MDGA2: variants seen among roughly 807,000 people sequenced by gnomAD.
MDGA2 encodes MAM domain-containing glycosylphosphatidylinositol anchor protein 2.
A neutral mutation model predicts 117.8 loss-of-function variants in MDGA2; 40 were observed. The ratio of observed to expected loss-of-function variants is 0.34; its 90% confidence interval spans 0.26 to 0.44. The LOEUF (loss-of-function observed/expected upper bound fraction) is 0.44. MDGA2 is among the 20% of genes least tolerant of loss of function. MDGA2 has a pLI of 1.00. For missense variants in MDGA2, 1,123 were observed against 1,250.6 expected (o/e 0.90, Z 1.54); for synonymous variants, 452 against 439.0 (o/e 1.03, Z -0.37).
intron 8 of MDGA2, among the ~76,000 whole-genome samples, chr14:46,981,081 T>C (rs556763807): frequency 1.3e-5 from 2 of 152,212 alleles, no homozygotes; most frequent in African/African-American, 4.8e-5. Flanking sequence ...AAATATCTAT[T>C]GAGATTGAAG....
chr14:47,192,808 T>C (rs1388047210), intron 3 of MDGA2, among the ~76,000 whole-genome samples: 1 of 152,186 alleles, frequency 6.6e-6, no homozygotes, highest in Non-Finnish European at 1.5e-5. Flanking sequence ...ATGTGTTAGC[T>C]AAATAGGCCA....
intron 8 of MDGA2, among the ~76,000 whole-genome samples, chr14:46,997,688 T>C (rs577497475): frequency 7.8e-4 from 118 of 152,244 alleles, no homozygotes; most frequent in African/African-American, 2.8e-3. Context: ...AATGCATTTA[T>C]AGGAACATAA....
At position 46,882,209 on chromosome 14, in the gene MDGA2, G is replaced by A. The variant is rs200011964; in HGVS notation, c.2251C>T (p.Arg751Cys). The A allele has an allele frequency of 1.9e-6, 3 of 1,607,662 alleles. No homozygotes were observed. Among genetic ancestry groups the A allele is most frequent in the South Asian group, 1.1e-5 (1 of 90,004 alleles). ...ATTTTAATCTCCTGCTCCCACCAGC[G>A]CTGCTGTCCAGCCTGAAATCAAAAC... ...RLGIRQAGQQ[R>C]WWEQEIKING... The change falls in exon 11 of 17, where the codon CGC becomes TGC. Residue 751 changes from arginine to cysteine, a missense_variant. Around this residue, in one of 2 missense-constraint regions of MDGA2, gnomAD observed 890 missense variants for 1,050.3 expected, o/e 0.85. Coordinates refer to ENST00000399232, the MANE Select transcript of MDGA2 (RefSeq NM_001113498.3).
chr14:47,053,456 T>C (rs1889527993), intron 7 of MDGA2, among the ~76,000 whole-genome samples: 1 of 151,606 alleles, frequency 6.6e-6, no homozygotes, highest in African/African-American at 2.4e-5. Context: ...CATACATCCT[T>C]TATGTGACAT....
At chr14:47,201,072 A>G (rs1197976772) in intron 3 of MDGA2, 4 of 1,089,520 alleles carry the variant, frequency 3.7e-6, no homozygotes, top group Non-Finnish European at 5.7e-6. Flanking sequence ...GATGGCCTCG[A>G]CCATCAAGCA....
intron 5 of MDGA2, among the ~76,000 whole-genome samples, chr14:47,101,134 T>TAGAAAGAA (rs1555352798): frequency 7.4e-6 from 1 of 134,824 alleles, no homozygotes; most frequent in East Asian, 2.1e-4. Flanking sequence ...GACAGATAGA[T>TAGAAAGAA]AGAAAGAAAT....
intron 3 of MDGA2, among the ~76,000 whole-genome samples, chr14:47,196,205 T>C (rs1292250910): frequency 6.6e-6 from 1 of 152,114 alleles, no homozygotes; most frequent in Non-Finnish European, 1.5e-5. Flanking sequence ...AATTTTCCCT[T>C]GAGTGGTAAA....
intron 1 of MDGA2, among the ~76,000 whole-genome samples, chr14:47,550,851 A>G (rs920527281): frequency 3.9e-5 from 6 of 152,196 alleles, no homozygotes; most frequent in Non-Finnish European, 2.9e-5. Context: ...ATAACCGGGT[A>G]ACACACAGGA....
intron 6 of MDGA2, among the ~76,000 whole-genome samples, chr14:47,093,150 T>C (rs1381436299): frequency 6.6e-6 from 1 of 151,970 alleles, no homozygotes; most frequent in African/African-American, 2.4e-5. Flanking sequence ...CTCCCTTTCT[T>C]ACTTCAGCTC....
chr14:47,379,750 T>C (rs961209134), intron 1 of MDGA2, among the ~76,000 whole-genome samples: 8 of 152,084 alleles, frequency 5.3e-5, no homozygotes, highest in Admixed American at 3.9e-4. Flanking sequence ...CAAAGAGACT[T>C]AGACTCCCAC....
chr14:47,287,434 T>C (rs1458725968), intron 2 of MDGA2, among the ~76,000 whole-genome samples: 1 of 152,170 alleles, frequency 6.6e-6, no homozygotes, highest in South Asian at 2.1e-4. Context: ...TTGAAAAATA[T>C]GAATTATATA....
chr14:46,844,069 G>A (rs1594988729), intron 16 of MDGA2, among the ~76,000 whole-genome samples: 1 of 152,114 alleles, frequency 6.6e-6, no homozygotes, highest in Non-Finnish European at 1.5e-5. Flanking sequence ...TATTCATCAT[G>A]TTTTATTTAT....
chr14:47,090,357 A>T (rs1250285022), intron 6 of MDGA2, among the ~76,000 whole-genome samples: 1 of 149,680 alleles, frequency 6.7e-6, no homozygotes, highest in South Asian at 2.1e-4. Context: ...TTACTTCTTT[A>T]TATTAGGACT....
At chr14:47,200,459 A>T in intron 3 of MDGA2, 1 of 473,174 alleles carries the variant, frequency 2.1e-6, no homozygotes, top group Non-Finnish European at 3.7e-6. Flanking sequence ...TCAATATATG[A>T]CATTAGTTTT....
At chr14:47,668,734 T>A (rs1012187311) in intron 1 of MDGA2, among the ~76,000 whole-genome samples, 1 of 152,220 alleles carries the variant, frequency 6.6e-6, no homozygotes, top group African/African-American at 2.4e-5. Flanking sequence ...ATATGCAATA[T>A]ACTTTGCATG....
At chr14:47,356,439 A>G (rs1430194984) in intron 1 of MDGA2, among the ~76,000 whole-genome samples, 1 of 152,106 alleles carries the variant, frequency 6.6e-6, no homozygotes, top group African/African-American at 2.4e-5. Context: ...GGTCTCTGGG[A>G]GGCCAGTGCA....
rs1215610952 is a variant in MDGA2 at position 47,469,602 on chromosome 14, C to T, written c.281-168052G>A. Among the ~76,000 whole-genome samples, 10 of 151,968 alleles carry T rather than the reference C, an allele frequency of 6.6e-5. No homozygotes were observed. In the South Asian group the frequency reaches 8.3e-4, roughly 13 times the overall value. ...AAGTCTTTGCTATTGTGAATAGTGC[C>T]GCAATAAACATACGTGTGCATGTGT... On this transcript the variant is annotated intron_variant, in intron 1 of 16. Coordinates refer to ENST00000399232, the MANE Select transcript of MDGA2 (RefSeq NM_001113498.3).
At chr14:46,967,678 C>T (rs150587956) in intron 8 of MDGA2, among the ~76,000 whole-genome samples, 1 of 152,128 alleles carries the variant, frequency 6.6e-6, no homozygotes, top group Non-Finnish European at 1.5e-5. Flanking sequence ...GTTGTCCCCC[C>T]TTATCCATGC....
At chr14:46,977,292 T>A (rs1370991871) in intron 8 of MDGA2, among the ~76,000 whole-genome samples, 1 of 151,744 alleles carries the variant, frequency 6.6e-6, no homozygotes, top group African/African-American at 2.4e-5. Flanking sequence ...CACTTTTTTC[T>A]TAAAGGATGA....
Sources: allele counts gnomAD v4.1 joint callset (sites outside exome capture counted in the v4.1 genomes callset), GRCh38; gene constraint gnomAD v4.1.1; regional missense constraint gnomAD v4.1.1; transcripts MANE v1.5; gene names NCBI Gene and HGNC (gene_info 2026-07-23, HGNC 2026-07-21).